DCDC1: variants seen among roughly 807,000 people sequenced by gnomAD.
DCDC1 encodes doublecortin domain containing 1, also known as doublecortin domain-containing protein 1.
In DCDC1, 200 loss-of-function variants were observed where a neutral mutation model predicts 178.3. The ratio of observed to expected loss-of-function variants is 1.12; its 90% CI spans 1.00 to 1.26. DCDC1 has a LOEUF of 1.26. DCDC1 is among the 50% of genes most tolerant of loss of function. The pLI is 0.00. For synonymous variants in DCDC1, 690 were observed against 604.8 expected (o/e 1.14, Z -2.07); for missense variants, 1,983 against 1,749.2 (o/e 1.13, Z -2.38).
intron 7 of DCDC1, among the ~76,000 whole-genome samples, chr11:31,272,235 C>G (rs1204553508): frequency 6.6e-6 from 1 of 151,618 alleles, no homozygotes; most frequent in Non-Finnish European, 1.5e-5. Flanking sequence ...AAAGACCTGC[C>G]ACCATGACTC....
intron 3 of DCDC1, among the ~76,000 whole-genome samples, chr11:31,321,388 G>A (rs1180935844): frequency 6.9e-6 from 1 of 145,698 alleles, no homozygotes; most frequent in African/African-American, 2.6e-5. Context: ...TCTGAAAAGC[G>A]CAATATTCGG....
intron 20 of DCDC1, among the ~76,000 whole-genome samples, chr11:30,954,358 C>A (rs576927770): frequency 1.3e-5 from 2 of 152,094 alleles, no homozygotes; most frequent in South Asian, 2.1e-4. Context: ...CTGGAAAAAA[C>A]CTCACAGATT....
intron 9 of DCDC1, among the ~76,000 whole-genome samples, chr11:31,187,622 T>A (rs1969659577): frequency 6.6e-6 from 1 of 152,252 alleles, no homozygotes; most frequent in Middle Eastern, 3.2e-3. Flanking sequence ...CTATCTGGAT[T>A]CCTTGACCAT....
intron 29 of DCDC1, 30 bp downstream of exon 29, chr11:30,908,915 CT>C: frequency 1.3e-6 from 2 of 1,540,262 alleles, no homozygotes; most frequent in South Asian, 1.3e-5. Flanking sequence ...CCCTATTTTT[CT>C]TTTATCTTTG....
At chr11:31,016,444 A>T (rs1373283587) in intron 20 of DCDC1, among the ~76,000 whole-genome samples, 1 of 152,208 alleles carries the variant, frequency 6.6e-6, no homozygotes, top group Non-Finnish European at 1.5e-5. Flanking sequence ...AAAAGCAGGT[A>T]TGTGGAGAGG....
chr11:31,343,678 G>T (rs1305557849), intron 1 of DCDC1, among the ~76,000 whole-genome samples: 1 of 152,058 alleles, frequency 6.6e-6, no homozygotes, highest in East Asian at 1.9e-4. Flanking sequence ...CAGCATTTTG[G>T]GAGGCCGAGA....
chr11:31,054,338 G>C (rs995155364), intron 20 of DCDC1, among the ~76,000 whole-genome samples: 3 of 151,028 alleles, frequency 2.0e-5, no homozygotes, highest in Non-Finnish European at 2.9e-5. Context: ...ATAAATCATA[G>C]ATGACACAAA....
intron 20 of DCDC1, among the ~76,000 whole-genome samples, chr11:31,015,922 TAAATGTC>T (rs1166839775): frequency 1.3e-5 from 2 of 152,200 alleles, no homozygotes. Flanking sequence ...TCTAAGCTGT[TAAATGTC>T]TAACATGCAA....
intron 1 of DCDC1, among the ~76,000 whole-genome samples, chr11:31,341,841 ACAC>A (rs1950566069): frequency 2.0e-5 from 3 of 151,746 alleles, no homozygotes; most frequent in South Asian, 2.1e-4. Flanking sequence ...ACACACACAC[ACAC>A]ATTTTTTTTG....
intron 37 of DCDC1, among the ~76,000 whole-genome samples, chr11:30,880,010 A>AT (rs1164825271): frequency 1.3e-5 from 2 of 152,118 alleles, no homozygotes; most frequent in African/African-American, 4.8e-5. Flanking sequence ...TATTGTAATT[A>AT]TTTCACGTGT....
chr11:30,982,273 C>T (rs1950428244), intron 20 of DCDC1, among the ~76,000 whole-genome samples: 2 of 152,150 alleles, frequency 1.3e-5, no homozygotes, highest in South Asian at 4.1e-4. Flanking sequence ...AGCTACTGAA[C>T]AAAAACCTTC....
intron 20 of DCDC1, among the ~76,000 whole-genome samples, chr11:30,973,364 C>G: frequency 6.6e-6 from 1 of 151,918 alleles, no homozygotes; most frequent in East Asian, 1.9e-4. Context: ...TTGTCTTCCA[C>G]TATGACTGTA....
At chr11:31,268,313 T>C (rs1329241258) in intron 7 of DCDC1, among the ~76,000 whole-genome samples, 1 of 152,168 alleles carries the variant, frequency 6.6e-6, no homozygotes, top group South Asian at 2.1e-4. Flanking sequence ...AAAATTTCAG[T>C]AATTTAAAAA....
chr11:31,076,533 G>C (rs578081206), intron 18 of DCDC1, among the ~76,000 whole-genome samples: 18 of 151,974 alleles, frequency 1.2e-4, no homozygotes, highest in Non-Finnish European at 2.4e-4. Flanking sequence ...ATTTTGTAGA[G>C]CTGGGATCTT....
chr11:31,355,794 C>T (rs183853137), intron 1 of DCDC1, among the ~76,000 whole-genome samples: 9 of 152,186 alleles, frequency 5.9e-5, no homozygotes, highest in Non-Finnish European at 1.0e-4. Context: ...GTCTCGAGCT[C>T]CCGACCTCAA....
In DCDC1 at chr11:30,921,801, A is replaced by G. The variant is rs12270169; in HGVS notation, c.3133+702T>C. On this transcript the variant is annotated intron_variant, in intron 24 of 38. Transcript: ENST00000684477. The stretch of plus-strand genomic sequence containing the variant: ...CCCTTGCTACTCCAATCTGAGGCAC[A>G]GCCAGCCACGTGAACTGGGATCTGG... Among the ~76,000 whole-genome samples the G allele has an allele frequency of 6.9e-3, 1,048 of 152,318 alleles. 14 individuals are homozygous for G. Among genetic ancestry groups the G allele is most frequent in the African/African-American group, 0.024 (1,011 of 41,570 alleles).
At chr11:30,957,942 G>A (rs1020547570) in intron 20 of DCDC1, among the ~76,000 whole-genome samples, 1 of 152,184 alleles carries the variant, frequency 6.6e-6, no homozygotes, top group African/African-American at 2.4e-5. Flanking sequence ...CTTAATGGCA[G>A]AAGAACTCAA....
intron 8 of DCDC1, among the ~76,000 whole-genome samples, chr11:31,251,601 G>A (rs1944037934): frequency 6.6e-6 from 1 of 152,014 alleles, no homozygotes; most frequent in Admixed American, 6.6e-5. Flanking sequence ...CAAATTAAGA[G>A]AGAGACAGAG....
At chr11:31,110,407 A>C in intron 11 of DCDC1, 46 bp from the exon 12 acceptor site, 1 of 679,338 alleles carries the variant, frequency 1.5e-6, no homozygotes, top group Non-Finnish European at 2.7e-6. Context: ...ACATGCACAC[A>C]TACATACATA....
Sources: gnomAD v4.1 joint callset for allele counts (sites outside exome capture counted in the v4.1 genomes callset) on GRCh38, gnomAD v4.1.1 for gene constraint, MANE v1.5 for transcripts, NCBI Gene and HGNC (gene_info 2026-07-23, HGNC 2026-07-21) for gene names.